The following CASD1 variants were observed in gnomAD, a reference collection of about 807,000 sequenced individuals.
The protein encoded by CASD1 is CAS1 domain sialic acid O acetyltransferase 1, also known as N-acetylneuraminate (7)9-O-acetyltransferase.
CASD1 carries 41 observed loss-of-function variants against 100.0 expected under a neutral mutation model. The ratio of observed to expected loss-of-function variants is 0.41; its 90% CI spans 0.32 to 0.53. The LOEUF (loss-of-function observed/expected upper bound fraction) is 0.53, where lower values mean the gene tolerates loss of function less well. CASD1 is among the 20% of genes least tolerant of loss of function. The probability of loss-of-function intolerance (pLI) is 0.25; values close to 1 mark genes in which losing one functional copy is unlikely to be tolerated. For missense variants in CASD1, 774 were observed against 948.7 expected, an observed-to-expected ratio of 0.82 and a Z score of 2.42; for synonymous variants, 321 against 315.6, an observed-to-expected ratio of 1.02 and a Z score of -0.18.
chr7:94,628,110 T>G, the CASD1 span: 14 of 1,007,782 alleles, frequency 1.4e-5, no homozygotes, highest in Non-Finnish European at 2.1e-5. Context: ...GTAACTTTAG[T>G]TTCAACACTT....
At chr7:94,580,096 A>G in the CASD1 span, among the ~76,000 whole-genome samples, 3 of 152,128 alleles carry the variant, frequency 2.0e-5, no homozygotes, top group East Asian at 1.9e-4. Flanking sequence ...CATTTCTCCA[A>G]TTATATCTAC....
chr7:94,555,644 A>G lies in CASD1; in HGVS notation c.2280A>G (p.Ala760=), dbSNP rs371354081. 34 of 1,613,348 alleles carry G rather than the reference A, an allele frequency of 2.1e-5. No individual in the cohort carries two copies. The highest frequency in any genetic ancestry group is 2.7e-5 in the Non-Finnish European group (32 of 1,179,606). ...HEISQITNDL[A]QIIIPKDNSS... The stretch of plus-strand genomic sequence containing the variant: ...TTTCTCAGATCACTAATGATCTTGC[A>G]CAGATTATTATTCCTAAAGATAACT... Residue 760 remains alanine, a synonymous_variant, in exon 18 of 18, where the codon GCA becomes GCG. Transcript: ENST00000297273.
At chr7:94,559,841 T>A (rs1296267328), downstream of CASD1, among the ~76,000 whole-genome samples, 2 of 152,186 alleles carry the variant, frequency 1.3e-5, no homozygotes, top group Non-Finnish European at 2.9e-5. Flanking sequence ...GTATTAAAAT[T>A]CTTATTTGGA....
the CASD1 span, among the ~76,000 whole-genome samples, chr7:94,564,071 T>C: frequency 8.5e-6 from 1 of 117,178 alleles, no homozygotes; most frequent in South Asian, 2.5e-4. Context: ...CAGACTATTT[T>C]ATGACACAGC....
intron 13 of CASD1, among the ~76,000 whole-genome samples, chr7:94,549,206 A>G (rs1795825309): frequency 6.6e-6 from 1 of 151,890 alleles, no homozygotes; most frequent in African/African-American, 2.4e-5. Flanking sequence ...AGGTAGAATG[A>G]TTTTCTAATT....
Position 94,549,570 on chromosome 7 carries a change from C to G in CASD1, c.1751C>G (p.Ser584Cys). 1 of 1,611,000 alleles carries G rather than the reference C, an allele frequency of 6.2e-7. No individual in the cohort carries two copies. The highest frequency in any genetic ancestry group is 8.5e-7 in the Non-Finnish European group (1 of 1,178,370). Residue 584 changes from serine to cysteine, a missense_variant, in exon 14 of 18, where the codon TCC becomes TGC. Ser to Cys is a moderately radical substitution (Grantham distance 112). This residue lies in a region of CASD1 where 453 missense variants were observed against 532.6 expected (regional missense o/e 0.85). Coordinates refer to ENST00000297273, the MANE Select transcript of CASD1 (RefSeq NM_022900.5). Reference sequence around the variant, plus strand: ...AAGATCTTTTCTCTTTGGCCATTGTCCAAGTGTTTTGAACTGAAAGGGAAT... The same window carrying G: ...AAGATCTTTTCTCTTTGGCCATTGTGCAAGTGTTTTGAACTGAAAGGGAAT... ...FEKIFSLWPLSKCFELKGNVY... is the reference protein window; with the variant it reads ...FEKIFSLWPLCKCFELKGNVY...
chr7:94,570,301 G>A, the CASD1 span, among the ~76,000 whole-genome samples: 1 of 151,298 alleles, frequency 6.6e-6, no homozygotes, highest in African/African-American at 2.4e-5. Context: ...ACTTCTTTTT[G>A]TGTACCTTCT....
intron 7 of CASD1, among the ~76,000 whole-genome samples, chr7:94,534,159 ATTTTTTTTTTTTTT>A (rs56864121): frequency 9.9e-6 from 1 of 100,538 alleles, no homozygotes; most frequent in Non-Finnish European, 1.9e-5. Context: ...CTGTTTCATA[ATTTTTTTTTTTTTT>A]TTTTTTTTTT....
chr7:94,529,366 A>T (rs1180332923), intron 5 of CASD1, among the ~76,000 whole-genome samples: 1 of 152,192 alleles, frequency 6.6e-6, no homozygotes, highest in Non-Finnish European at 1.5e-5. Flanking sequence ...ATATTACATA[A>T]CCAAAATTTC....
rs17325 is a variant in CASD1 at position 94,535,526 on chromosome 7, G to A, written c.843+3G>A. The stretch of plus-strand genomic sequence containing the variant: ...TTCCTGAATCGAGCAGAGAAACTGT[G>A]AGAAATTTTTACATATGTCAGTAGA... On this transcript the variant is annotated splice_donor_region_variant and intron_variant, in intron 8 of 17. Coordinates refer to ENST00000297273, the MANE Select transcript of CASD1 (RefSeq NM_022900.5). 4,307 of 1,609,222 alleles carry A rather than the reference G, an allele frequency of 2.7e-3. 91 individuals are homozygous for A. In the African/African-American group the frequency reaches 0.051, roughly 19 times the overall value.
the CASD1 span, among the ~76,000 whole-genome samples, chr7:94,608,418 A>C: frequency 6.6e-6 from 1 of 152,242 alleles, no homozygotes; most frequent in African/African-American, 2.4e-5. Flanking sequence ...GAAAGAAATC[A>C]AAGAAGACCT....
chr7:94,530,384 C>G (rs2116292705), intron 5 of CASD1, among the ~76,000 whole-genome samples: 1 of 152,216 alleles, frequency 6.6e-6, no homozygotes, highest in South Asian at 2.1e-4. Context: ...TTTTCACGTG[C>G]TTCGTTTTAC....
the CASD1 span, chr7:94,622,504 C>T: frequency 6.6e-6 from 1 of 152,080 alleles, no homozygotes; most frequent in African/African-American, 2.4e-5. Flanking sequence ...TGGCAGGTGC[C>T]TATAATCCCA....
intron 3 of CASD1, among the ~76,000 whole-genome samples, chr7:94,524,883 AATTGG>A (rs1181494615): frequency 1.3e-5 from 2 of 152,144 alleles, no homozygotes; most frequent in African/African-American, 4.8e-5. Flanking sequence ...ACTTGATTTT[AATTGG>A]ATTGTAGATT....
At chr7:94,545,305 C>G (rs1795621604) in intron 11 of CASD1, among the ~76,000 whole-genome samples, 1 of 151,994 alleles carries the variant, frequency 6.6e-6, no homozygotes, top group African/African-American at 2.4e-5. Context: ...GAGGACAGCT[C>G]AGGTTGGTGC....
the CASD1 span, among the ~76,000 whole-genome samples, chr7:94,579,378 G>A: frequency 6.6e-6 from 1 of 152,050 alleles, no homozygotes; most frequent in African/African-American, 2.4e-5. Flanking sequence ...AACATAATAT[G>A]AAAACTACAT....
At chr7:94,543,895 C>T (rs1386188769) in intron 10 of CASD1, among the ~76,000 whole-genome samples, 7 of 152,074 alleles carry the variant, frequency 4.6e-5, no homozygotes, top group African/African-American at 1.7e-4. Context: ...CATTAAGGGA[C>T]TTGGTCATGA....
At chr7:94,610,901 T>C in the CASD1 span, among the ~76,000 whole-genome samples, 2 of 152,168 alleles carry the variant, frequency 1.3e-5, no homozygotes, top group Non-Finnish European at 2.9e-5. Context: ...GAAGAGATGC[T>C]CAACATCACC....
chr7:94,595,056 TA>T, the CASD1 span, among the ~76,000 whole-genome samples: 1 of 152,126 alleles, frequency 6.6e-6, no homozygotes, highest in African/African-American at 2.4e-5. Context: ...TCAGGATAGG[TA>T]AATAATCTAA....
Sources: allele counts gnomAD v4.1 joint callset (sites outside exome capture counted in the v4.1 genomes callset), GRCh38; gene constraint gnomAD v4.1.1; regional missense constraint gnomAD v4.1.1; transcripts MANE v1.5; gene names NCBI Gene and HGNC (gene_info 2026-07-23, HGNC 2026-07-21).